EPM2A: variants seen among roughly 807,000 people sequenced by gnomAD.
EPM2A encodes laforin.
In EPM2A, 21 loss-of-function variants were observed where a neutral mutation model predicts 26.5. That is an observed-to-expected ratio of 0.79 (90% CI 0.56 to 1.14). The LOEUF (loss-of-function observed/expected upper bound fraction) is 1.14, where lower values mean the gene tolerates loss of function less well. Ranked by LOEUF, EPM2A falls within the 50% of genes most tolerant of loss-of-function variation. The probability of loss-of-function intolerance (pLI) is 0.00; values close to 1 mark genes in which losing one functional copy is unlikely to be tolerated. For synonymous variants in EPM2A, 217 were observed against 177.6 expected (o/e 1.22, Z -1.76); for missense variants, 458 against 440.8 (o/e 1.04, Z -0.35).
intron 4 of EPM2A, among the ~76,000 whole-genome samples, chr6:145,449,563 G>A (rs370381727): frequency 6.6e-6 from 1 of 152,146 alleles, no homozygotes; most frequent in African/African-American, 2.4e-5. Flanking sequence ...GCAAGCCCCC[G>A]CACAAGCCCA....
At chr6:145,612,561 G>C (rs964676459) in intron 2 of EPM2A, among the ~76,000 whole-genome samples, 1 of 151,756 alleles carries the variant, frequency 6.6e-6, no homozygotes, top group Admixed American at 6.6e-5. Context: ...CAACAACACA[G>C]GCAAACCTCA....
intron 2 of EPM2A, among the ~76,000 whole-genome samples, chr6:145,590,668 C>G (rs1344872314): frequency 6.6e-6 from 1 of 151,950 alleles, no homozygotes; most frequent in African/African-American, 2.4e-5. Flanking sequence ...CAGGAGAGAC[C>G]AGAACAAGGA....
chr6:145,391,906 G>C (rs1391129639), intron 4 of EPM2A, among the ~76,000 whole-genome samples: 1 of 151,534 alleles, frequency 6.6e-6, no homozygotes, highest in Admixed American at 6.6e-5. Context: ...TCTTGGCCCT[G>C]GGTCTTAGGT....
At chr6:145,403,412 C>G (rs1446256740) in intron 4 of EPM2A, among the ~76,000 whole-genome samples, 1 of 150,774 alleles carries the variant, frequency 6.6e-6, no homozygotes, top group Non-Finnish European at 1.5e-5. Flanking sequence ...CCCTGATGCC[C>G]CTGCTCTACA....
intron 2 of EPM2A, 112 bp downstream of exon 2, chr6:145,686,010 A>G (rs1780874911): frequency 2.2e-6 from 2 of 924,544 alleles, no homozygotes; most frequent in Admixed American, 2.0e-5. Flanking sequence ...CTACAGGCCT[A>G]TAGACCCCTC....
chr6:145,692,027 A>C (rs1003413305), intron 1 of EPM2A, among the ~76,000 whole-genome samples: 4 of 152,070 alleles, frequency 2.6e-5, no homozygotes, highest in Non-Finnish European at 5.9e-5. Context: ...GTAAAAGCAT[A>C]GAAAAAGATA....
intron 4 of EPM2A, among the ~76,000 whole-genome samples, chr6:145,400,399 A>G (rs1031420707): frequency 8.5e-5 from 13 of 152,140 alleles, no homozygotes; most frequent in Non-Finnish European, 1.5e-4. Flanking sequence ...ACTAAAGCCC[A>G]TTACCTCTTT....
intron 2 of EPM2A, among the ~76,000 whole-genome samples, chr6:145,554,639 C>T (rs1780702321): frequency 1.3e-5 from 2 of 152,024 alleles, no homozygotes; most frequent in Admixed American, 1.3e-4. Flanking sequence ...CTGGCAAGGG[C>T]TTCCTTGCTT....
intron 2 of EPM2A, among the ~76,000 whole-genome samples, chr6:145,616,042 C>G (rs1160561686): frequency 6.6e-6 from 1 of 152,190 alleles, no homozygotes; most frequent in African/African-American, 2.4e-5. Context: ...TAATGAGGAA[C>G]CAAATGTGAA....
intron 4 of EPM2A, among the ~76,000 whole-genome samples, chr6:145,464,160 T>C (rs1238380420): frequency 1.3e-5 from 2 of 152,070 alleles, no homozygotes; most frequent in Non-Finnish European, 2.9e-5. Flanking sequence ...CCCATGCTGT[T>C]CTCGTGATAT....
intron 2 of EPM2A, among the ~76,000 whole-genome samples, chr6:145,644,767 T>C (rs6940930): frequency 0.074 from 11,270 of 152,124 alleles, 1,405 homozygotes; most frequent in African/African-American, 0.25. Context: ...ACAAAGAGTA[T>C]ACTTCATGAC....
chr6:145,679,904 A>ACC (rs1204745702), intron 2 of EPM2A, among the ~76,000 whole-genome samples: 3 of 152,158 alleles, frequency 2.0e-5, no homozygotes, highest in Admixed American at 2.0e-4. Context: ...TACACGTGGA[A>ACC]TACTGATCTC....
chr6:145,438,346 C>T (rs762202279), intron 4 of EPM2A, among the ~76,000 whole-genome samples: 56 of 152,180 alleles, frequency 3.7e-4, no homozygotes, highest in Non-Finnish European at 6.9e-4. Context: ...TATCTCTCCC[C>T]TGAGTTTTGG....
At chr6:145,701,119 G>T (rs1437565336) in intron 1 of EPM2A, among the ~76,000 whole-genome samples, 2 of 152,112 alleles carry the variant, frequency 1.3e-5, no homozygotes, top group African/African-American at 4.8e-5. Context: ...ATAAAAGAGG[G>T]CGTAATCCTG....
intron 4 of EPM2A, among the ~76,000 whole-genome samples, chr6:145,469,396 C>T (rs74917700): frequency 0.022 from 3,397 of 152,088 alleles, 46 homozygotes; most frequent in Admixed American, 0.031. Flanking sequence ...AGAAGACATA[C>T]AAATGGAAAA....
intron 4 of EPM2A, among the ~76,000 whole-genome samples, chr6:145,405,394 C>T (rs190629767): frequency 6.6e-6 from 1 of 152,018 alleles, no homozygotes; most frequent in Non-Finnish European, 1.5e-5. Flanking sequence ...CCAGACAGTC[C>T]TTTCATCCTA....
At chr6:145,650,916 C>T (rs1481372073) in intron 2 of EPM2A, among the ~76,000 whole-genome samples, 4 of 152,158 alleles carry the variant, frequency 2.6e-5, no homozygotes, top group African/African-American at 7.2e-5. Context: ...TCTACTTATG[C>T]TAATTATCTC....
At chr6:145,405,078 C>A (rs1184988917) in intron 4 of EPM2A, among the ~76,000 whole-genome samples, 1 of 152,044 alleles carries the variant, frequency 6.6e-6, no homozygotes, top group African/African-American at 2.4e-5. Context: ...CTCAGCTCTG[C>A]ACTGATGGCC....
intron 2 of EPM2A, among the ~76,000 whole-genome samples, chr6:145,604,852 A>T (rs1293829324): frequency 6.6e-6 from 1 of 152,160 alleles, no homozygotes; most frequent in Non-Finnish European, 1.5e-5. Flanking sequence ...AACAATATAA[A>T]AATAGAATAA....
Sources: allele counts gnomAD v4.1 joint callset (sites outside exome capture counted in the v4.1 genomes callset), GRCh38; gene constraint gnomAD v4.1.1; transcripts MANE v1.5; gene names NCBI Gene and HGNC (gene_info 2026-07-23, HGNC 2026-07-21).